The following NRG1 variants were observed in gnomAD, a reference collection of about 807,000 sequenced individuals.
The protein encoded by NRG1 is neuregulin 1, also known as pro-neuregulin-1, membrane-bound isoform.
NRG1 carries 18 observed loss-of-function variants against 63.8 expected under a neutral mutation model. That is an observed-to-expected ratio of 0.28 (90% CI 0.19 to 0.42). The LOEUF is 0.42. Among genes scored for constraint, NRG1 ranks in the 10% least tolerant of loss-of-function variants. The pLI is 1.00. For missense variants in NRG1, 762 were observed against 814.7 expected (o/e 0.94, Z 0.79); for synonymous variants, 302 against 301.3 (o/e 1.00, Z -0.02).
intron 5 of NRG1, among the ~76,000 whole-genome samples, chr8:32,698,217 T>A (rs1045715836): frequency 4.8e-5 from 7 of 145,630 alleles, no homozygotes; most frequent in South Asian, 4.3e-4. Context: ...AAAAAAAAAA[T>A]ATATGAAAAG....
At chr8:32,599,652 T>C (rs1043711798) in intron 2 of NRG1, among the ~76,000 whole-genome samples, 1 of 152,206 alleles carries the variant, frequency 6.6e-6, no homozygotes, top group Admixed American at 6.5e-5. Context: ...TCTTTGTTCT[T>C]GTTTTCTTTG....
At position 32,072,175 on chromosome 8, in the gene NRG1, T is replaced by G. The variant is rs186523334; in HGVS notation, c.37+432744T>G. Among the ~76,000 whole-genome samples the G allele has an allele frequency of 2.0e-5, 3 of 151,668 alleles. No individual in the cohort carries two copies. The East Asian group carries it at 5.8e-4, about 29-fold the overall frequency. On this transcript the variant is annotated intron_variant, in intron 1 of 10. Coordinates refer to the NRG1 transcript ENST00000519301. ...TTTATCCTGAAGGAATTCTTAGAGATTTCATCATGAGTAAGCACTTTTCAG... is the reference window on the plus strand; with the variant it reads ...TTTATCCTGAAGGAATTCTTAGAGAGTTCATCATGAGTAAGCACTTTTCAG...
chr8:32,330,789 C>T (rs1159520557), intron 1 of NRG1, among the ~76,000 whole-genome samples: 1 of 152,222 alleles, frequency 6.6e-6, no homozygotes, highest in African/African-American at 2.4e-5. Context: ...GACCATGGCA[C>T]TCACTGCCAT....
At chr8:31,958,741 G>C (rs192000777) in intron 1 of NRG1, among the ~76,000 whole-genome samples, 7 of 152,154 alleles carry the variant, frequency 4.6e-5, no homozygotes, top group African/African-American at 1.7e-4. Context: ...CAAAAGTTGG[G>C]AGAAATCAAA....
chr8:32,128,084 A>AT (rs1417317000), intron 1 of NRG1, among the ~76,000 whole-genome samples: 2 of 151,960 alleles, frequency 1.3e-5, no homozygotes, highest in African/African-American at 4.8e-5. Flanking sequence ...GCTCTGCAAC[A>AT]TATTTGGCTG....
intron 2 of NRG1, among the ~76,000 whole-genome samples, chr8:32,600,234 G>A (rs1011456905): frequency 3.3e-5 from 5 of 151,480 alleles, no homozygotes; most frequent in Admixed American, 1.3e-4. Flanking sequence ...GCAAGACCCC[G>A]TCTCTATACT....
chr8:32,565,315 G>T (rs538461880), intron 1 of NRG1, among the ~76,000 whole-genome samples: 12 of 152,082 alleles, frequency 7.9e-5, no homozygotes, highest in Admixed American at 2.0e-4. Flanking sequence ...TTTAAAGATA[G>T]AGTCTTGCTG....
intron 1 of NRG1, among the ~76,000 whole-genome samples, chr8:32,063,955 G>A (rs997998416): frequency 5.3e-5 from 8 of 152,096 alleles, no homozygotes; most frequent in Admixed American, 5.2e-4. Flanking sequence ...GGAAGTGTGG[G>A]CAGGGAGAAT....
chr8:32,752,572 T>C (rs1450440451), intron 7 of NRG1, among the ~76,000 whole-genome samples: 8 of 152,196 alleles, frequency 5.3e-5, no homozygotes. Flanking sequence ...CACCTTTTCT[T>C]CCCACCCAAG....
chr8:31,834,307 G>GCACACACACACACACACACA (rs1554547024), intron 1 of NRG1, among the ~76,000 whole-genome samples: 2 of 119,432 alleles, frequency 1.7e-5, no homozygotes, highest in African/African-American at 7.4e-5. Flanking sequence ...GCGCACGCGC[G>GCACACACACACACACACACA]CACACACACA....
At chr8:32,225,978 T>G (rs967602339) in intron 1 of NRG1, among the ~76,000 whole-genome samples, 1 of 152,198 alleles carries the variant, frequency 6.6e-6, no homozygotes, top group African/African-American at 2.4e-5. Context: ...TCTCCTTAGC[T>G]TTCAGATTCT....
chr8:32,532,691 T>A (rs1487011608), intron 1 of NRG1, among the ~76,000 whole-genome samples: 1 of 152,058 alleles, frequency 6.6e-6, no homozygotes, highest in East Asian at 1.9e-4. Flanking sequence ...CATAGTGAGC[T>A]AATTTGATCA....
chr8:32,155,636 T>C (rs1837978741), intron 1 of NRG1, among the ~76,000 whole-genome samples: 1 of 152,208 alleles, frequency 6.6e-6, no homozygotes, highest in South Asian at 2.1e-4. Context: ...TTGACGCTTG[T>C]TCATCCTTGC....
At chr8:31,826,214 A>G (rs1220769888) in intron 1 of NRG1, among the ~76,000 whole-genome samples, 2 of 152,186 alleles carry the variant, frequency 1.3e-5, no homozygotes, top group African/African-American at 2.4e-5. Context: ...ATCCTCCAAG[A>G]GAGCAGATTC....
In NRG1 at chr8:31,643,033, C is replaced by G. The variant is rs1803956019; in HGVS notation, c.37+3602C>G. ...GAATGAATGAATGTGTGAATTCATCCAGTTGTGTGGTGTCAGATAATGCCA... is the reference window on the plus strand; with the variant it reads ...GAATGAATGAATGTGTGAATTCATCGAGTTGTGTGGTGTCAGATAATGCCA... On this transcript the variant is annotated intron_variant, in intron 1 of 10. Transcript: ENST00000519301. Among the ~76,000 whole-genome samples the G allele has an allele frequency of 2.6e-5, 4 of 151,710 alleles. 1 individual carries two copies. In the South Asian group the frequency reaches 8.3e-4, roughly 32 times the overall value.
chr8:32,459,374 C>T (rs1822017810), intron 1 of NRG1, among the ~76,000 whole-genome samples: 1 of 152,152 alleles, frequency 6.6e-6, no homozygotes, highest in African/African-American at 2.4e-5. Context: ...CTATTATACT[C>T]TCTTGCATAG....
chr8:32,114,207 G>A (rs1832406791), intron 1 of NRG1, among the ~76,000 whole-genome samples: 1 of 152,224 alleles, frequency 6.6e-6, no homozygotes, highest in Non-Finnish European at 1.5e-5. Flanking sequence ...TAAAGAAACA[G>A]TTTTAAAATA....
chr8:31,899,727 T>C (rs1831912956), intron 1 of NRG1, among the ~76,000 whole-genome samples: 1 of 152,182 alleles, frequency 6.6e-6, no homozygotes, highest in Non-Finnish European at 1.5e-5. Context: ...AAAAGAAATA[T>C]GAATAATGGC....
intron 1 of NRG1, among the ~76,000 whole-genome samples, chr8:32,029,822 G>A (rs1413534240): frequency 6.9e-6 from 1 of 144,230 alleles, no homozygotes; most frequent in Non-Finnish European, 1.5e-5. Context: ...TAATAATTAT[G>A]TTTAAAATTA....
Sources: allele counts gnomAD v4.1 joint callset (sites outside exome capture counted in the v4.1 genomes callset), GRCh38; gene constraint gnomAD v4.1.1; transcripts MANE v1.5; gene names NCBI Gene and HGNC (gene_info 2026-07-23, HGNC 2026-07-21).